Variants in CKAP5 observed in about 807,000 individuals in gnomAD.
CKAP5 encodes cytoskeleton associated protein 5, also known as cytoskeleton-associated protein 5.
A neutral mutation model predicts 232.8 loss-of-function variants in CKAP5; 27 were observed. The ratio of observed to expected loss-of-function variants is 0.12; its 90% CI spans 0.09 to 0.16. The LOEUF is 0.16. Among genes scored for constraint, CKAP5 ranks in the 10% least tolerant of loss-of-function variants. CKAP5 has a pLI of 1.00. For synonymous variants in CKAP5, 785 were observed against 841.1 expected (o/e 0.93, Z 1.16); for missense variants, 1,838 against 2,424.7 (o/e 0.76, Z 5.08).
chr11:46,829,730 C>T (rs1217068113), intron 1 of CKAP5, among the ~76,000 whole-genome samples: 2 of 152,004 alleles, frequency 1.3e-5, no homozygotes, highest in Non-Finnish European at 2.9e-5. Flanking sequence ...CAGGGGGATC[C>T]CTAACGTTGG....
At chr11:46,835,489 A>T (rs1430620018) in intron 1 of CKAP5, among the ~76,000 whole-genome samples, 3 of 152,160 alleles carry the variant, frequency 2.0e-5, no homozygotes, top group African/African-American at 7.2e-5. Flanking sequence ...AAAGAAAAAA[A>T]AAATTAAAAA....
intron 1 of CKAP5, among the ~76,000 whole-genome samples, chr11:46,839,575 A>G (rs996678423): frequency 1.2e-4 from 18 of 152,246 alleles, no homozygotes; most frequent in African/African-American, 4.1e-4. Flanking sequence ...TCTAAAAACT[A>G]TCATGCCTGT....
At chr11:46,836,142 A>G (rs1939912385) in intron 1 of CKAP5, among the ~76,000 whole-genome samples, 2 of 152,196 alleles carry the variant, frequency 1.3e-5, no homozygotes, top group South Asian at 2.1e-4. Context: ...ACGAAGTGCA[A>G]TATGTTACCC....
At chr11:46,770,483 G>A (rs999972892) in intron 25 of CKAP5, among the ~76,000 whole-genome samples, 1 of 152,208 alleles carries the variant, frequency 6.6e-6, no homozygotes, top group African/African-American at 2.4e-5. Context: ...CCAGGCTGGA[G>A]TGCAGTGGCA....
chr11:46,772,887 G>A lies in CKAP5; in HGVS notation c.2992-1905C>T, dbSNP rs568886249. On this transcript the variant is annotated intron_variant, in intron 24 of 43. Transcript: ENST00000529230. ...CTCTCGAGTAGCTGGGACTACAGGC[G>A]CATGCCACCACACCCAGCTAATTTT... 7.2e-5 allele frequency among the ~76,000 whole-genome samples: 11 copies of A among 152,100 alleles called. No homozygotes were observed. The East Asian group carries it at 1.7e-3, about 24-fold the overall frequency.
chr11:46,776,791 T>A (rs1275196862), intron 23 of CKAP5, among the ~76,000 whole-genome samples: 6 of 151,702 alleles, frequency 4.0e-5, no homozygotes, highest in African/African-American at 1.5e-4. Context: ...TGACTGAAAA[T>A]TAGTTATATT....
chr11:46,827,964 T>C (rs954894461), intron 1 of CKAP5, among the ~76,000 whole-genome samples: 5 of 152,312 alleles, frequency 3.3e-5, no homozygotes, highest in Admixed American at 1.3e-4. Context: ...ACAGGAAAGA[T>C]ATGTGCTTTT....
At chr11:46,782,460 TAACA>T (rs1460237528) in intron 18 of CKAP5, among the ~76,000 whole-genome samples, 1 of 152,222 alleles carries the variant, frequency 6.6e-6, no homozygotes, top group East Asian at 1.9e-4. Context: ...GATAATAACA[TAACA>T]AACCGTTCTT....
At chr11:46,776,492 C>A in intron 23 of CKAP5, 109 bp from the exon 24 acceptor site, 1 of 696,102 alleles carries the variant, frequency 1.4e-6, no homozygotes, top group East Asian at 2.9e-5. Context: ...CTAAGGCCCA[C>A]ATGAACATAC....
At chr11:46,769,931 C>T in intron 26 of CKAP5, 32 bp downstream of exon 26, 3 of 1,612,176 alleles carry the variant, frequency 1.9e-6, no homozygotes, top group Non-Finnish European at 2.5e-6. Flanking sequence ...GGGCTATTTC[C>T]TTCCCCTTTA....
intron 1 of CKAP5, among the ~76,000 whole-genome samples, chr11:46,844,488 G>A (rs1351733817): frequency 2.0e-5 from 3 of 152,168 alleles, no homozygotes; most frequent in Non-Finnish European, 4.4e-5. Flanking sequence ...AGTAGTAGAA[G>A]ACTGCGATGG....
At chr11:46,803,013 C>T (rs529673368) in intron 8 of CKAP5, among the ~76,000 whole-genome samples, 79 of 152,184 alleles carry the variant, frequency 5.2e-4, no homozygotes, top group Non-Finnish European at 9.7e-4. Context: ...CTTGTAACCT[C>T]AGGACCTTAA....
intron 9 of CKAP5, 73 bp from the exon 10 acceptor site, chr11:46,798,245 G>T: frequency 1.9e-6 from 2 of 1,072,964 alleles, no homozygotes; most frequent in Non-Finnish European, 2.8e-6. Context: ...CTAGAACATG[G>T]CTGAACCTTA....
intron 16 of CKAP5, among the ~76,000 whole-genome samples, chr11:46,786,444 T>C (rs964064562): frequency 2.6e-5 from 4 of 152,162 alleles, no homozygotes; most frequent in African/African-American, 9.7e-5. Flanking sequence ...AAAGCTCCAT[T>C]TGAAAGTCCT....
intron 1 of CKAP5, among the ~76,000 whole-genome samples, chr11:46,824,397 GCCC>G (rs1939607518): frequency 6.6e-6 from 1 of 152,118 alleles, no homozygotes; most frequent in Non-Finnish European, 1.5e-5. Flanking sequence ...AGATACACAT[GCCC>G]TACCACCCAG....
intron 42 of CKAP5, among the ~76,000 whole-genome samples, chr11:46,746,854 T>C (rs1406822572): frequency 1.3e-5 from 2 of 152,238 alleles, no homozygotes; most frequent in Non-Finnish European, 2.9e-5. Flanking sequence ...CAGCTGGGTA[T>C]GGTGGCTCAC....
chr11:46,751,879 G>A (rs2065066992), intron 38 of CKAP5, among the ~76,000 whole-genome samples: 1 of 151,804 alleles, frequency 6.6e-6, no homozygotes, highest in Non-Finnish European at 1.5e-5. Context: ...CTAATGCAAG[G>A]GGACAAAATA....
chr11:46,821,307 C>T, intron 1 of CKAP5, 39 bp from the exon 2 acceptor site: 1 of 965,772 alleles, frequency 1.0e-6, no homozygotes, highest in Admixed American at 2.0e-5. Flanking sequence ...AGCAACCAGG[C>T]AGTCTCTTAA....
chr11:46,770,178 TCAAA>T, intron 25 of CKAP5, 80 bp from the exon 26 acceptor site: 1 of 1,446,590 alleles, frequency 6.9e-7, no homozygotes. Context: ...AAATCCTCTG[TCAAA>T]CAAATGATTG....
Sources: gnomAD v4.1 joint callset for allele counts (sites outside exome capture counted in the v4.1 genomes callset) on GRCh38, gnomAD v4.1.1 for gene constraint, MANE v1.5 for transcripts, NCBI Gene and HGNC (gene_info 2026-07-23, HGNC 2026-07-21) for gene names.